PPM1L: variants seen among roughly 807,000 people sequenced by gnomAD.
PPM1L encodes protein phosphatase, Mg2+/Mn2+ dependent 1L.
In PPM1L, 13 loss-of-function variants were observed where a neutral mutation model predicts 31.4. The ratio of observed to expected loss-of-function variants is 0.41; its 90% confidence interval spans 0.27 to 0.66. PPM1L has a LOEUF of 0.66. PPM1L is among the 30% of genes least tolerant of loss of function. The probability of loss-of-function intolerance (pLI) is 0.29; values close to 1 mark genes in which losing one functional copy is unlikely to be tolerated. For missense variants in PPM1L, 326 were observed against 453.7 expected, an observed-to-expected ratio of 0.72 and a Z score of 2.56; for synonymous variants, 184 against 175.4, an observed-to-expected ratio of 1.05 and a Z score of -0.39.
intron 2 of PPM1L, among the ~76,000 whole-genome samples, chr3:161,003,270 T>C (rs981198372): frequency 2.7e-5 from 4 of 149,346 alleles, no homozygotes; most frequent in Non-Finnish European, 3.0e-5. Context: ...AGTCAGGTAG[T>C]GTGATGCCTC....
chr3:160,897,202 C>G (rs779071416), intron 1 of PPM1L, among the ~76,000 whole-genome samples: 24 of 152,122 alleles, frequency 1.6e-4, no homozygotes, highest in Middle Eastern at 3.4e-3. Flanking sequence ...GCCACCACAC[C>G]CAGCTAATAT....
At chr3:160,901,122 C>A (rs1713527016) in intron 1 of PPM1L, among the ~76,000 whole-genome samples, 1 of 152,052 alleles carries the variant, frequency 6.6e-6, no homozygotes, top group Non-Finnish European at 1.5e-5. Context: ...CTAGGTGATT[C>A]CATCTAGGTT....
At chr3:160,944,946 C>CTGT (rs1715328318) in intron 1 of PPM1L, among the ~76,000 whole-genome samples, 1 of 58,292 alleles carries the variant, frequency 1.7e-5, no homozygotes, top group African/African-American at 6.6e-5. Flanking sequence ...TTATATATAA[C>CTGT]TATATATAAC....
intron 1 of PPM1L, chr3:160,842,360 C>G: frequency 1.4e-6 from 1 of 698,966 alleles, no homozygotes; most frequent in Non-Finnish European, 2.6e-6. Flanking sequence ...GGAAATAAAA[C>G]TAGAGAGGTA....
At chr3:161,063,475 T>C (rs1438749486) in intron 2 of PPM1L, among the ~76,000 whole-genome samples, 2 of 140,326 alleles carry the variant, frequency 1.4e-5, no homozygotes, top group East Asian at 4.2e-4. Flanking sequence ...TATATTATGA[T>C]AGTTATTTTA....
chr3:161,019,286 T>G (rs1220014890), intron 2 of PPM1L, among the ~76,000 whole-genome samples: 1 of 143,444 alleles, frequency 7.0e-6, no homozygotes, highest in African/African-American at 2.5e-5. Flanking sequence ...CTCAAACTCC[T>G]GGGTTCAAGT....
intron 2 of PPM1L, among the ~76,000 whole-genome samples, chr3:160,981,968 G>A (rs1559912834): frequency 1.3e-5 from 2 of 151,974 alleles, no homozygotes; most frequent in Admixed American, 6.6e-5. Context: ...GTTTCACCAC[G>A]TTGGCCAGGG....
intron 1 of PPM1L, among the ~76,000 whole-genome samples, chr3:160,917,813 C>T (rs1443545465): frequency 6.6e-6 from 1 of 152,192 alleles, no homozygotes; most frequent in Non-Finnish European, 1.5e-5. Context: ...ATCCCTGTGT[C>T]ATAGGGTACA....
intron 2 of PPM1L, among the ~76,000 whole-genome samples, chr3:161,028,198 A>C (rs1576792590): frequency 6.6e-6 from 1 of 152,356 alleles, no homozygotes; most frequent in Non-Finnish European, 1.5e-5. Flanking sequence ...GTGGACTCCC[A>C]AGTCCCTGGA....
intron 2 of PPM1L, among the ~76,000 whole-genome samples, chr3:161,043,970 T>G (rs1480192717): frequency 6.6e-6 from 1 of 152,192 alleles, no homozygotes; most frequent in Non-Finnish European, 1.5e-5. Flanking sequence ...AAAAAACAAT[T>G]AAAAATATTT....
intron 1 of PPM1L, among the ~76,000 whole-genome samples, chr3:160,956,182 C>A (rs970514818): frequency 6.6e-6 from 1 of 152,172 alleles, no homozygotes; most frequent in Non-Finnish European, 1.5e-5. Flanking sequence ...CCACTGAGTT[C>A]TTTTTATGGA....
chr3:160,976,743 C>T (rs1410271587), intron 2 of PPM1L, among the ~76,000 whole-genome samples: 9 of 151,986 alleles, frequency 5.9e-5, no homozygotes, highest in Admixed American at 2.6e-4. Flanking sequence ...TTTTTTATTG[C>T]GTCCATTTGA....
intron 1 of PPM1L, among the ~76,000 whole-genome samples, chr3:160,848,542 T>A (rs1184456754): frequency 6.6e-6 from 1 of 152,228 alleles, no homozygotes; most frequent in East Asian, 1.9e-4. Context: ...TGGCTGCTTC[T>A]TAAGTGTTTG....
rs1056248691 is a variant in PPM1L, at chr3:160,756,530, G to A, written c.222G>A (p.Gly74=). ...TCATGCAGAACGATCGACTCGGGGG[G>A]CTTGATGTGCTCGAGGCCGAGTTTT... ...AEIMQNDRLG[G]LDVLEAEFSK... The change falls in exon 1 of 4, where the codon GGG becomes GGA. Residue 74 remains glycine (G), a synonymous_variant. Coordinates refer to ENST00000498165, the MANE Select transcript of PPM1L (RefSeq NM_139245.4). The surrounding 1 kb of genome is among the most constrained non-coding windows in gnomAD (Gnocchi z 6.2). 3.7e-6 allele frequency: 6 copies of A among 1,614,014 alleles called. No homozygotes were observed. The African/African-American group carries it at 6.7e-5, about 18-fold the overall frequency.
intron 1 of PPM1L, among the ~76,000 whole-genome samples, chr3:160,808,386 T>TGTGTGTGTGTGTGTGTGTGCGCGCGC (rs1560112655): frequency 2.1e-5 from 1 of 47,006 alleles, no homozygotes; most frequent in Non-Finnish European, 3.8e-5. Context: ...GATTTTCCTG[T>TGTGTGTGTGTGTGTGTGTGCGCGCGC]GTGTGTGTGT....
At chr3:160,972,015 A>G (rs1309880234) in intron 2 of PPM1L, among the ~76,000 whole-genome samples, 1 of 152,006 alleles carries the variant, frequency 6.6e-6, no homozygotes, top group Non-Finnish European at 1.5e-5. Context: ...TGATCCTCCC[A>G]CCTTGGCCTG....
intron 1 of PPM1L, among the ~76,000 whole-genome samples, chr3:160,903,193 G>GTGTGTGTGTGT (rs1553819620): frequency 4.0e-5 from 5 of 124,208 alleles, no homozygotes; most frequent in African/African-American, 1.1e-4. Context: ...GTGTGTGTGT[G>GTGTGTGTGTGT]GTATGTGTGT....
At chr3:160,949,917 G>A (rs1715527085) in intron 1 of PPM1L, among the ~76,000 whole-genome samples, 1 of 152,178 alleles carries the variant, frequency 6.6e-6, no homozygotes, top group East Asian at 1.9e-4. Context: ...GTATGCAGTA[G>A]ATGCTACTGA....
chr3:160,935,538 G>A (rs553644856), intron 1 of PPM1L, among the ~76,000 whole-genome samples: 15 of 152,340 alleles, frequency 9.8e-5, no homozygotes, highest in Non-Finnish European at 1.8e-4. Flanking sequence ...TGGAAAAAGT[G>A]AGATAGCATA....
Sources: gnomAD v4.1 joint callset for allele counts (sites outside exome capture counted in the v4.1 genomes callset) on GRCh38, gnomAD v4.1.1 for gene constraint, Gnocchi (gnomAD v3.1) non-coding constraint, MANE v1.5 for transcripts, NCBI Gene and HGNC (gene_info 2026-07-23, HGNC 2026-07-21) for gene names.